Variants in AGAP1 observed in about 807,000 individuals in gnomAD.
AGAP1 encodes the protein ArfGAP with GTPase domain, ankyrin repeat and PH domain 1.
A neutral mutation model predicts 105.3 loss-of-function variants in AGAP1; 29 were observed. The ratio of observed to expected loss-of-function variants is 0.28; its 90% CI spans 0.21 to 0.38. The LOEUF (loss-of-function observed/expected upper bound fraction) is 0.38. Among genes scored for constraint, AGAP1 ranks in the 10% least tolerant of loss-of-function variants. The pLI, the probability that AGAP1 is intolerant of heterozygous loss-of-function variation, is 1.00. For missense variants in AGAP1, 998 were observed against 1,165.1 expected, an observed-to-expected ratio of 0.86 and a Z score of 2.09; for synonymous variants, 509 against 485.9, an observed-to-expected ratio of 1.05 and a Z score of -0.63.
At chr2:235,619,550 G>A (rs113334816) in intron 1 of AGAP1, among the ~76,000 whole-genome samples, 15 of 151,786 alleles carry the variant, frequency 9.9e-5, no homozygotes, top group Non-Finnish European at 2.9e-5. Flanking sequence ...GGGCTGAAGT[G>A]GGGGAGCTGG....
chr2:235,741,713 ATTG>A lies in AGAP1; in HGVS notation c.396+677_396+679del, dbSNP rs200716689. On this transcript the variant is annotated intron_variant, in intron 4 of 17. Transcript: ENST00000304032. This position sits in a 1 kb window ranked among gnomAD's most constrained non-coding sequence, Gnocchi z 4.9. ...CTTTATTATTATTGTTATTATTATT[ATTG>A]TTGTTGTTGTTATTATTATTATTGT... 7.6e-4 allele frequency among the ~76,000 whole-genome samples: 111 copies of A among 147,014 alleles called. No homozygotes were observed. Among genetic ancestry groups the A allele is most frequent in the Admixed American group, 1.2e-3 (18 of 14,948 alleles).
chr2:235,955,456 C>T (rs1575876172), intron 12 of AGAP1, among the ~76,000 whole-genome samples: 1 of 152,122 alleles, frequency 6.6e-6, no homozygotes. Flanking sequence ...TGTTCATGAG[C>T]CTGTGTCTCA....
At chr2:235,545,047 T>C (rs1943577873) in intron 1 of AGAP1, among the ~76,000 whole-genome samples, 1 of 152,222 alleles carries the variant, frequency 6.6e-6, no homozygotes, top group Non-Finnish European at 1.5e-5. Flanking sequence ...GAACCTTCCG[T>C]CCCAACCTTC....
At chr2:235,997,122 T>C (rs570882074) in intron 13 of AGAP1, among the ~76,000 whole-genome samples, 1 of 152,332 alleles carries the variant, frequency 6.6e-6, no homozygotes, top group Non-Finnish European at 1.5e-5. Flanking sequence ...GGAGTTTCAC[T>C]CTTGTTGCCC....
At chr2:235,694,596 C>G (rs1001545688) in intron 1 of AGAP1, among the ~76,000 whole-genome samples, 4 of 151,700 alleles carry the variant, frequency 2.6e-5, no homozygotes, top group Non-Finnish European at 4.4e-5. Context: ...TGCAGTCAGC[C>G]GAGATCGCGC....
chr2:236,112,912 T>C (rs1320054018), intron 16 of AGAP1, among the ~76,000 whole-genome samples: 10 of 152,264 alleles, frequency 6.6e-5, no homozygotes. Flanking sequence ...CCTGTCTGGC[T>C]GAATGGTGTA....
rs888274601 is a variant in AGAP1, at chr2:235,578,849, A to G, written c.163+84000A>G. 1.3e-5 allele frequency among the ~76,000 whole-genome samples: 2 copies of G among 151,884 alleles called. No individual in the cohort carries two copies. Among genetic ancestry groups the G allele is most frequent in the African/African-American group, 2.4e-5 (1 of 41,342 alleles). ...TAAATAAACATTTGTGTATAGCCCA[A>G]TAGTTTTTCACTGTTGAGGGTCAAA... On this transcript the variant is annotated intron_variant, in intron 1 of 17. Coordinates refer to ENST00000304032, the MANE Select transcript of AGAP1 (RefSeq NM_001037131.3). The surrounding 1 kb of genome is among the most constrained non-coding windows in gnomAD (Gnocchi z 4.9).
intron 11 of AGAP1, among the ~76,000 whole-genome samples, chr2:235,921,614 G>C (rs2052185489): frequency 6.6e-6 from 1 of 152,174 alleles, no homozygotes; most frequent in Non-Finnish European, 1.5e-5. Context: ...GCTGTATTTA[G>C]TAGTAATTAC....
chr2:235,541,528 C>A lies in AGAP1; in HGVS notation c.163+46679C>A, dbSNP rs574584781. The stretch of plus-strand genomic sequence containing the variant: ...TCAGCCTCCTGAGTAGCTGGGACTA[C>A]AGGCGCCCGCCACCGTGCCCGGCTA... On this transcript the variant is annotated intron_variant, in intron 1 of 17. Transcript: ENST00000304032. Among the ~76,000 whole-genome samples the A allele has an allele frequency of 5.9e-5, 9 of 152,010 alleles. No individual in the cohort carries two copies. The South Asian group carries it at 1.9e-3, about 32-fold the overall frequency.
intron 1 of AGAP1, among the ~76,000 whole-genome samples, chr2:235,624,276 A>G (rs1220401695): frequency 1.3e-5 from 2 of 152,204 alleles, no homozygotes; most frequent in Non-Finnish European, 1.5e-5. Flanking sequence ...TGGAAGAAAC[A>G]CCTACAGATA....
rs2051002039 is a variant in AGAP1, at chr2:235,900,238, C to A, written c.1156-8500C>A. Among the ~76,000 whole-genome samples the A allele has an allele frequency of 6.6e-6, 1 of 152,214 alleles. No individual in the cohort carries two copies. Among genetic ancestry groups the A allele is most frequent in the Non-Finnish European group, 1.5e-5 (1 of 68,040 alleles). ...TTCCACACATACTCTTCCTTACCTC[C>A]ATGATGGAGTAGTAGACTGATTTCA... On this transcript the variant is annotated intron_variant, in intron 10 of 17. Coordinates refer to ENST00000304032, the MANE Select transcript of AGAP1 (RefSeq NM_001037131.3). This position sits in a 1 kb window ranked among gnomAD's most constrained non-coding sequence, Gnocchi z 5.5.
chr2:235,600,942 G>A lies in AGAP1; in HGVS notation c.163+106093G>A, dbSNP rs1945708953. On this transcript the variant is annotated intron_variant, in intron 1 of 17. Coordinates refer to ENST00000304032, the MANE Select transcript of AGAP1 (RefSeq NM_001037131.3). The surrounding 1 kb of genome is among the most constrained non-coding windows in gnomAD (Gnocchi z 4.8). ...CCTGCAGCCTCCCCCATCTCAGCTGGTGCTCACTTTATTTTTACTGCTTGT... is the reference window on the plus strand; with the variant it reads ...CCTGCAGCCTCCCCCATCTCAGCTGATGCTCACTTTATTTTTACTGCTTGT... Among the ~76,000 whole-genome samples, 1 of 152,118 alleles carries A rather than the reference G, an allele frequency of 6.6e-6. No homozygotes were observed. Among genetic ancestry groups the A allele is most frequent in the South Asian group, 2.1e-4 (1 of 4,812 alleles).
At chr2:235,778,451 C>T (rs933851090) in intron 6 of AGAP1, among the ~76,000 whole-genome samples, 2 of 152,190 alleles carry the variant, frequency 1.3e-5, no homozygotes, top group African/African-American at 2.4e-5. Flanking sequence ...CTTCGAGGTT[C>T]TTAAGAGTCC....
At chr2:235,784,623 A>G (rs1409268622) in intron 6 of AGAP1, among the ~76,000 whole-genome samples, 1 of 151,622 alleles carries the variant, frequency 6.6e-6, no homozygotes, top group Non-Finnish European at 1.5e-5. Flanking sequence ...AAAACCATGA[A>G]AAGTTTCTCT....
In AGAP1 at chr2:236,083,828, C is replaced by CT. The variant is rs1559259099; in HGVS notation, c.2114+34547_2114+34548insT. Among the ~76,000 whole-genome samples, 1 of 152,038 alleles carries CT rather than the reference C, an allele frequency of 6.6e-6. No individual in the cohort carries two copies. The highest frequency in any genetic ancestry group is 6.5e-5 in the Admixed American group (1 of 15,268). On this transcript the variant is annotated intron_variant, in intron 16 of 17. Transcript: ENST00000304032. The surrounding 1 kb of genome is among the most constrained non-coding windows in gnomAD (Gnocchi z 5.3). The stretch of plus-strand genomic sequence containing the variant: ...AGCAAGGAGTGCCTCTTCTGAGATC[C>CT]CATTCGATGCTCTGCCCTCAATTAA...
rs1199294923 is a variant in AGAP1 at position 235,728,006 on chromosome 2, G to T, written c.310+10362G>T. ...TCCACTCAGCACCGATTAGAGCTGG[G>T]ATTGCCTCTCGCAACTCCCCAAAGA... On this transcript the variant is annotated intron_variant, in intron 3 of 17. Coordinates refer to ENST00000304032, the MANE Select transcript of AGAP1 (RefSeq NM_001037131.3). The surrounding 1 kb of genome is among the most constrained non-coding windows in gnomAD (Gnocchi z 4.3). 6.6e-6 allele frequency among the ~76,000 whole-genome samples: 1 copy of T among 152,182 alleles called. No homozygotes were observed. The highest frequency in any genetic ancestry group is 1.5e-5 in the Non-Finnish European group (1 of 68,044).
chr2:235,838,523 A>T (rs1449178019), intron 9 of AGAP1, among the ~76,000 whole-genome samples: 1 of 152,192 alleles, frequency 6.6e-6, no homozygotes, highest in African/African-American at 2.4e-5. Flanking sequence ...TTATGATGTG[A>T]TTAACTACGT....
chr2:235,775,655 A>G (rs1230851914), intron 6 of AGAP1: 2 of 151,954 alleles, frequency 1.3e-5, no homozygotes, highest in African/African-American at 2.4e-5. Flanking sequence ...CCCAGTACAT[A>G]CCTGGTCACG....
Position 236,002,113 on chromosome 2 carries a change from G to A in AGAP1, c.1645+33490G>A, listed in dbSNP as rs994179090. Among the ~76,000 whole-genome samples the A allele has an allele frequency of 2.0e-5, 3 of 152,208 alleles. No individual in the cohort carries two copies. Among genetic ancestry groups the A allele is most frequent in the African/African-American group, 7.2e-5 (3 of 41,454 alleles). ...GAACAGAGAGTTTCTCAAGCGACAT[G>A]CCAGGAAGAGCTGGCTTCCCCGCAC... On this transcript the variant is annotated intron_variant, in intron 13 of 17. Transcript: ENST00000304032. This position sits in a 1 kb window ranked among gnomAD's most constrained non-coding sequence, Gnocchi z 4.3.
Sources: gnomAD v4.1 joint callset for allele counts (sites outside exome capture counted in the v4.1 genomes callset) on GRCh38, gnomAD v4.1.1 for gene constraint, Gnocchi (gnomAD v3.1) non-coding constraint, MANE v1.5 for transcripts, NCBI Gene and HGNC (gene_info 2026-07-23, HGNC 2026-07-21) for gene names.